SLC25A18: variants seen among roughly 807,000 people sequenced by gnomAD.
SLC25A18 encodes the protein mitochondrial glutamate carrier 2.
In SLC25A18, 24 loss-of-function variants were observed where a neutral mutation model predicts 31.1. The observed-to-expected ratio is 0.77, with a 90% CI of 0.56 to 1.08. The LOEUF is 1.08. Among genes scored for constraint, SLC25A18 ranks in the 50% least tolerant of loss-of-function variants. The pLI is 0.00. For missense variants in SLC25A18, 371 were observed against 418.5 expected (o/e 0.89, Z 0.99); for synonymous variants, 173 against 161.9 (o/e 1.07, Z -0.52).
intron 7 of SLC25A18, among the ~76,000 whole-genome samples, chr22:17,585,619 T>C (rs2057520647): frequency 6.7e-6 from 1 of 148,928 alleles, no homozygotes; most frequent in Non-Finnish European, 1.5e-5. Context: ...CATTTTATTT[T>C]ATTATTATTT....
At chr22:17,589,759 G>A (rs2057665163) in intron 10 of SLC25A18, 94 bp downstream of exon 10, 1 of 1,205,030 alleles carries the variant, frequency 8.3e-7, no homozygotes, top group Admixed American at 1.9e-5. Flanking sequence ...TTGAATTGCT[G>A]GGCTCTGGGT....
intron 7 of SLC25A18, among the ~76,000 whole-genome samples, chr22:17,586,660 C>T (rs1411201719): frequency 6.6e-6 from 1 of 152,116 alleles, no homozygotes; most frequent in African/African-American, 2.4e-5. Context: ...GTGCCTATAA[C>T]CCCAGCTACT....
intron 2 of SLC25A18, among the ~76,000 whole-genome samples, chr22:17,576,676 T>C (rs1211430806): frequency 6.6e-6 from 1 of 152,202 alleles, no homozygotes; most frequent in East Asian, 1.9e-4. Context: ...CCAGGAATCT[T>C]GTCAAGTCAT....
chr22:17,575,147 C>T (rs1292590010), intron 2 of SLC25A18, among the ~76,000 whole-genome samples: 1 of 152,086 alleles, frequency 6.6e-6, no homozygotes, highest in Non-Finnish European at 1.5e-5. Context: ...CCACTGTGCC[C>T]CGTGCTCTCT....
chr22:17,584,166 G>A (rs2057455728), intron 7 of SLC25A18: 27 of 679,572 alleles, frequency 4.0e-5, no homozygotes, highest in Non-Finnish European at 4.9e-5. Flanking sequence ...GGCCGAGGCG[G>A]GCGGATTATG....
At chr22:17,574,556 G>A (rs958099492) in intron 2 of SLC25A18, among the ~76,000 whole-genome samples, 6 of 145,526 alleles carry the variant, frequency 4.1e-5, no homozygotes, top group East Asian at 4.0e-4. Flanking sequence ...TTGCTCTGTC[G>A]CCCAGGCTAG....
chr22:17,572,888 G>A (rs565427851), intron 2 of SLC25A18, among the ~76,000 whole-genome samples: 2 of 152,008 alleles, frequency 1.3e-5, no homozygotes, highest in African/African-American at 4.8e-5. Context: ...TGATCCGCCC[G>A]CCTCGGCCTC....
chr22:17,587,299 C>T lies in SLC25A18; in HGVS notation c.573C>T (p.Leu191=), dbSNP rs2057578091. ...GLYRGLGATL[L]RDIPFSIIYF... ...ACAGGGGCCTGGGTGCCACTCTCCT[C>T]AGGTGAGCCTTTCTTCCGGTTCCCT... Residue 191 remains leucine, a splice_region_variant and synonymous_variant, in exon 8 of 11, where the codon CTC becomes CTT. Transcript: ENST00000327451. 3 of 1,610,212 alleles carry T rather than the reference C, an allele frequency of 1.9e-6. No homozygotes were observed. The highest frequency in any genetic ancestry group is 2.5e-6 in the Non-Finnish European group (3 of 1,178,946).
chr22:17,577,041 G>T (rs954783292), intron 2 of SLC25A18, among the ~76,000 whole-genome samples: 5 of 150,842 alleles, frequency 3.3e-5, no homozygotes, highest in African/African-American at 1.2e-4. Flanking sequence ...TTTGGGGTGG[G>T]GGACAGAGTC....
At chr22:17,584,220 C>G (rs1361489274) in intron 7 of SLC25A18, 6 of 255,952 alleles carry the variant, frequency 2.3e-5, no homozygotes, top group Non-Finnish European at 3.1e-5. Context: ...GGTGAAACCC[C>G]ATCTTTACTA....
chr22:17,579,766 G>A lies in SLC25A18; in HGVS notation c.-179G>A, dbSNP rs966778746. The stretch of plus-strand genomic sequence containing the variant: ...GCAGGGGAGGAAGCCGCAGCCCAAG[G>A]AGGTCGTCACTTGCCGGGAAGGTGG... On this transcript the variant is annotated 5_prime_UTR_variant, in exon 3 of 11. Coordinates refer to ENST00000327451, the MANE Select transcript of SLC25A18 (RefSeq NM_031481.3). 20 of 1,407,676 alleles carry A rather than the reference G, an allele frequency of 1.4e-5. No individual in the cohort carries two copies. Among genetic ancestry groups the A allele is most frequent in the Non-Finnish European group, 1.7e-5 (18 of 1,081,646 alleles). The allele number at this position is 1,407,676 out of a possible 1,614,324, so 87.2% of individuals were successfully genotyped here.
chr22:17,587,088 T>TA, intron 7 of SLC25A18, 48 bp from the exon 8 acceptor site: 1 of 1,594,884 alleles, frequency 6.3e-7, no homozygotes, highest in Non-Finnish European at 8.6e-7. Flanking sequence ...GAGTGTTTCG[T>TA]AGCATCTGTT....
At chr22:17,569,762 C>G in intron 1 of SLC25A18, 162 bp from the exon 2 acceptor site, 1 of 985,420 alleles carries the variant, frequency 1.0e-6, no homozygotes, top group Non-Finnish European at 1.2e-6. Context: ...ATAGTAGCCT[C>G]TTTGGGTTTT....
At chr22:17,579,621 T>A (rs1399836454) in intron 2 of SLC25A18, 124 bp from the exon 3 acceptor site, 11 of 711,812 alleles carry the variant, frequency 1.5e-5, no homozygotes, top group Non-Finnish European at 2.1e-5. Context: ...GGATTCTGAT[T>A]TGAATCCCAA....
intron 7 of SLC25A18, among the ~76,000 whole-genome samples, chr22:17,584,440 AAGGAAG>A (rs2057471332): frequency 5.4e-5 from 7 of 129,302 alleles, no homozygotes; most frequent in African/African-American, 2.6e-4. Context: ...GGAAGGAAGG[AAGGAAG>A]GAGAGAGAGA....
rs1252867983 is a variant in SLC25A18 at position 17,568,073 on chromosome 22, G to T, written c.-263-1851G>T. Among the ~76,000 whole-genome samples the T allele has an allele frequency of 3.3e-5, 5 of 152,120 alleles. No individual in the cohort carries two copies. In the South Asian group the frequency reaches 6.2e-4, roughly 19 times the overall value. On this transcript the variant is annotated intron_variant, in intron 1 of 10. Coordinates refer to ENST00000327451, the MANE Select transcript of SLC25A18 (RefSeq NM_031481.3). ...CAACTTTTTAAAAGAGGCAAAGGCAGAGGAGAATAGGCCAGGTGCGATGGC... is the reference window on the plus strand; with the variant it reads ...CAACTTTTTAAAAGAGGCAAAGGCATAGGAGAATAGGCCAGGTGCGATGGC...
chr22:17,581,560 AC>A, intron 5 of SLC25A18, 147 bp downstream of exon 5: 1 of 845,204 alleles, frequency 1.2e-6, no homozygotes, highest in Admixed American at 2.5e-5. Flanking sequence ...TTGGGTGGAG[AC>A]AGAGGCAGCT....
intron 2 of SLC25A18, chr22:17,570,453 G>T (rs2057055862): frequency 6.6e-6 from 1 of 152,232 alleles, no homozygotes; most frequent in Non-Finnish European, 1.5e-5. Context: ...ATGCTTACTG[G>T]ATGCCTCTGC....
chr22:17,587,212 G>A lies in SLC25A18; in HGVS notation c.486G>A (p.Arg162=). 1 of 1,614,058 alleles carries A rather than the reference G, an allele frequency of 6.2e-7. No individual in the cohort carries two copies. The highest frequency in any genetic ancestry group is 2.2e-5 in the East Asian group (1 of 44,866). Residue 162 remains arginine (R), a synonymous_variant, in exon 8 of 11, where the codon AGG becomes AGA. Transcript: ENST00000327451. Reference sequence around the variant, plus strand: ...CAACTGGTTCGGCTTCCACCCACAGGCGCCCCTCTGCCACCCTCATTGCCT... The same window carrying A: ...CAACTGGTTCGGCTTCCACCCACAGACGCCCCTCTGCCACCCTCATTGCCT... ...SYTTGSASTH[R]RPSATLIAWE... is the part of the protein sequence containing the mutation.
Sources: allele counts gnomAD v4.1 joint callset (sites outside exome capture counted in the v4.1 genomes callset), GRCh38; gene constraint gnomAD v4.1.1; transcripts MANE v1.5; gene names NCBI Gene and HGNC (gene_info 2026-07-23, HGNC 2026-07-21).